The following ARMC9 variants were observed in gnomAD, a reference collection of about 807,000 sequenced individuals.
ARMC9 encodes armadillo repeat containing 9, also known as lisH domain-containing protein ARMC9.
A neutral mutation model predicts 107.0 loss-of-function variants in ARMC9; 94 were observed. The ratio of observed to expected loss-of-function variants is 0.88; its 90% CI spans 0.74 to 1.04. The LOEUF is 1.04. ARMC9 is among the 50% of genes least tolerant of loss of function. The probability of loss-of-function intolerance (pLI) is 0.00; values close to 1 mark genes in which losing one functional copy is unlikely to be tolerated. For synonymous variants in ARMC9, 380 were observed against 396.9 expected, an observed-to-expected ratio of 0.96 and a Z score of 0.51; for missense variants, 942 against 1,030.1, an observed-to-expected ratio of 0.91 and a Z score of 1.17.
chr2:231,205,367 C>T (rs146813436), intron 1 of ARMC9, among the ~76,000 whole-genome samples: 1 of 151,806 alleles, frequency 6.6e-6, no homozygotes, highest in Non-Finnish European at 1.5e-5. Context: ...GAGATCCCAT[C>T]TCAAAAAAAA....
At chr2:231,355,113 A>G (rs1473865481) in intron 21 of ARMC9, among the ~76,000 whole-genome samples, 1 of 152,156 alleles carries the variant, frequency 6.6e-6, no homozygotes, top group African/African-American at 2.4e-5. Context: ...CCAAGGTGAG[A>G]GGATTGCTTG....
At chr2:231,352,651 G>C (rs1236091772) in intron 21 of ARMC9, among the ~76,000 whole-genome samples, 2 of 137,052 alleles carry the variant, frequency 1.5e-5, no homozygotes. Flanking sequence ...GAAATAATCA[G>C]ATGTTCACAG....
intron 19 of ARMC9, among the ~76,000 whole-genome samples, chr2:231,318,325 G>T (rs1402512323): frequency 2.0e-5 from 3 of 152,064 alleles, no homozygotes; most frequent in African/African-American, 7.2e-5. Context: ...AGCCAGTAAG[G>T]TTTCCACCTT....
At chr2:231,304,829 A>AT (rs1159270209) in intron 19 of ARMC9, among the ~76,000 whole-genome samples, 4 of 152,112 alleles carry the variant, frequency 2.6e-5, no homozygotes, top group Non-Finnish European at 4.4e-5. Context: ...CAAAATTCTC[A>AT]TTTTTTCTTG....
At chr2:231,218,332 C>T (rs925898303) in intron 5 of ARMC9, among the ~76,000 whole-genome samples, 9 of 150,708 alleles carry the variant, frequency 6.0e-5, no homozygotes, top group East Asian at 3.9e-4. Context: ...CAGATGTCTT[C>T]GAGGATAAAA....
intron 1 of ARMC9, among the ~76,000 whole-genome samples, chr2:231,203,781 A>T (rs529642619): frequency 6.6e-6 from 1 of 152,058 alleles, no homozygotes; most frequent in Non-Finnish European, 1.5e-5. Flanking sequence ...CCAACGTGGT[A>T]AAACCCCGTC....
At chr2:231,236,344 T>G (rs1411273958) in intron 8 of ARMC9, among the ~76,000 whole-genome samples, 1 of 152,254 alleles carries the variant, frequency 6.6e-6, no homozygotes, top group Non-Finnish European at 1.5e-5. Flanking sequence ...TAACTTTTTT[T>G]TCTTAGTACA....
chr2:231,314,630 A>G (rs993040714), intron 19 of ARMC9, among the ~76,000 whole-genome samples: 6 of 152,180 alleles, frequency 3.9e-5, no homozygotes, highest in African/African-American at 9.7e-5. Context: ...GCTAGTATTA[A>G]TCCACCCCTC....
At chr2:231,242,848 C>A (rs1261648910) in intron 9 of ARMC9, among the ~76,000 whole-genome samples, 2 of 152,130 alleles carry the variant, frequency 1.3e-5, no homozygotes, top group African/African-American at 4.8e-5. Context: ...CATGGTGGCG[C>A]ACACCTGTAA....
At chr2:231,228,517 A>G (rs1466868758) in intron 7 of ARMC9, among the ~76,000 whole-genome samples, 1 of 152,190 alleles carries the variant, frequency 6.6e-6, no homozygotes, top group Non-Finnish European at 1.5e-5. Context: ...CTGGTTTCCA[A>G]GGGTGAATGT....
intron 19 of ARMC9, among the ~76,000 whole-genome samples, chr2:231,327,460 T>C (rs142985489): frequency 4.7e-4 from 72 of 152,316 alleles, no homozygotes; most frequent in African/African-American, 1.7e-3. Context: ...AGGACTGGCT[T>C]TTTTCACCAA....
At chr2:231,256,466 A>C in intron 9 of ARMC9, 120 bp from the exon 10 acceptor site, 1 of 1,398,614 alleles carries the variant, frequency 7.1e-7, no homozygotes, top group Non-Finnish European at 9.9e-7. Flanking sequence ...AACCAAAAAA[A>C]AAAACCCAAA....
chr2:231,240,016 G>C lies in ARMC9; in HGVS notation c.854G>C (p.Ser285Thr). 1.9e-6 allele frequency: 3 copies of C among 1,613,832 alleles called. No individual in the cohort carries two copies. Among genetic ancestry groups the C allele is most frequent in the Non-Finnish European group, 2.5e-6 (3 of 1,179,886 alleles). Reference sequence around the variant, plus strand: ...CAGATGCGGCAGAGCCTGGCGCATAGTGTGGACTTCACGAGGCCTGGGACG... The same window carrying C: ...CAGATGCGGCAGAGCCTGGCGCATACTGTGGACTTCACGAGGCCTGGGACG... ...SNQMRQSLAH[S>T]VDFTRPGTAS... is the part of the protein sequence containing the mutation. The change falls in exon 9 of 25, where the codon AGT (serine) becomes ACT (threonine). Residue 285 changes from serine (S) to threonine (T), a missense_variant. Transcript: ENST00000611582.
At chr2:231,288,657 A>G (rs1395250654) in intron 17 of ARMC9, 1 of 471,190 alleles carries the variant, frequency 2.1e-6, no homozygotes, top group South Asian at 1.5e-5. Context: ...TAATCCCTCA[A>G]AGGTCCCCTG....
At chr2:231,325,450 T>G (rs1227318929) in intron 19 of ARMC9, among the ~76,000 whole-genome samples, 1 of 152,188 alleles carries the variant, frequency 6.6e-6, no homozygotes, top group Non-Finnish European at 1.5e-5. Context: ...TTATTTTGTT[T>G]CTTAATGTTT....
chr2:231,327,368 A>G (rs1411878630), intron 19 of ARMC9, among the ~76,000 whole-genome samples: 3 of 152,202 alleles, frequency 2.0e-5, no homozygotes, highest in African/African-American at 7.2e-5. Context: ...ACACCTGGCA[A>G]CCACTAATCT....
intron 23 of ARMC9, among the ~76,000 whole-genome samples, chr2:231,365,214 G>A (rs1234835090): frequency 6.6e-6 from 1 of 152,224 alleles, no homozygotes; most frequent in Non-Finnish European, 1.5e-5. Flanking sequence ...GAAGTCACGT[G>A]CCGCAGAAAC....
At chr2:231,344,729 T>C (rs767046349) in intron 20 of ARMC9, among the ~76,000 whole-genome samples, 4 of 152,220 alleles carry the variant, frequency 2.6e-5, no homozygotes, top group Non-Finnish European at 4.4e-5. Context: ...CTTTCTTCCT[T>C]TTCCTAGGGT....
At chr2:231,233,787 A>T (rs1207003937) in intron 7 of ARMC9, among the ~76,000 whole-genome samples, 1 of 152,182 alleles carries the variant, frequency 6.6e-6, no homozygotes, top group Non-Finnish European at 1.5e-5. Flanking sequence ...AAAAAAAAAA[A>T]AAGTTATCCA....
Sources: allele counts gnomAD v4.1 joint callset (sites outside exome capture counted in the v4.1 genomes callset), GRCh38; gene constraint gnomAD v4.1.1; transcripts MANE v1.5; gene names NCBI Gene and HGNC (gene_info 2026-07-23, HGNC 2026-07-21).